The following FAM110B variants were observed in gnomAD, a reference collection of about 807,000 sequenced individuals.
FAM110B encodes the protein protein FAM110B.
A neutral mutation model predicts 20.4 loss-of-function variants in FAM110B; 6 were observed. That is an observed-to-expected ratio of 0.29 (90% CI 0.16 to 0.58). The LOEUF (loss-of-function observed/expected upper bound fraction) is 0.58, where lower values mean the gene tolerates loss of function less well. Among genes scored for constraint, FAM110B ranks in the 20% least tolerant of loss-of-function variants. FAM110B has a pLI of 0.90. For missense variants in FAM110B, 434 were observed against 498.2 expected, an observed-to-expected ratio of 0.87 and a Z score of 1.23; for synonymous variants, 226 against 214.1, an observed-to-expected ratio of 1.06 and a Z score of -0.49.
chr8:58,016,208 T>C (rs1804633563), intron 1 of FAM110B, among the ~76,000 whole-genome samples: 1 of 152,172 alleles, frequency 6.6e-6, no homozygotes, highest in South Asian at 2.1e-4. Flanking sequence ...TAGAAAATGA[T>C]TTTACTGGGC....
chr8:58,039,752 CACACACACAT>C (rs1418572375), intron 2 of FAM110B, among the ~76,000 whole-genome samples: 1 of 152,000 alleles, frequency 6.6e-6, no homozygotes, highest in Non-Finnish European at 1.5e-5. Context: ...TTTAAACATA[CACACACACAT>C]ACACACACAT....
At chr8:58,003,574 G>A (rs1804343529) in intron 1 of FAM110B, among the ~76,000 whole-genome samples, 1 of 152,226 alleles carries the variant, frequency 6.6e-6, no homozygotes, top group Admixed American at 6.5e-5. Flanking sequence ...TCCATGTGCT[G>A]CAGAATGAAT....
chr8:58,083,697 C>T lies in FAM110B; in HGVS notation c.-325+8074C>T, dbSNP rs192758090. ...TCCCACCATCCACGCCTCCCCTGGG[C>T]TTCGTGTTCTGTATGTTAATTCTCT... On this transcript the variant is annotated intron_variant, in intron 3 of 3. Transcript: ENST00000519262. Among the ~76,000 whole-genome samples the T allele has an allele frequency of 5.3e-5, 8 of 152,304 alleles. No homozygotes were observed. In the East Asian group the frequency reaches 1.5e-3, roughly 29 times the overall value.
chr8:58,038,284 C>T (rs1163598741), intron 2 of FAM110B, among the ~76,000 whole-genome samples: 6 of 152,138 alleles, frequency 3.9e-5, no homozygotes, highest in Non-Finnish European at 1.5e-5. Context: ...AATGACTGTT[C>T]TGTTTACTCA....
chr8:58,123,478 G>A (rs1042181415), intron 3 of FAM110B, among the ~76,000 whole-genome samples: 6 of 152,032 alleles, frequency 3.9e-5, no homozygotes, highest in African/African-American at 1.4e-4. Flanking sequence ...AGGGAGTTGG[G>A]AATAAAAAGA....
intron 3 of FAM110B, among the ~76,000 whole-genome samples, chr8:58,130,462 C>A (rs922975551): frequency 6.6e-6 from 1 of 152,160 alleles, no homozygotes; most frequent in Non-Finnish European, 1.5e-5. Context: ...CTAGAACCTG[C>A]GGTCACACCA....
At chr8:58,036,142 C>A (rs1805070501) in intron 2 of FAM110B, among the ~76,000 whole-genome samples, 1 of 152,180 alleles carries the variant, frequency 6.6e-6, no homozygotes. Context: ...AATCATGGTG[C>A]CACGTCTCTC....
intron 3 of FAM110B, among the ~76,000 whole-genome samples, chr8:58,116,192 C>A (rs1055074387): frequency 2.6e-5 from 4 of 152,202 alleles, no homozygotes; most frequent in African/African-American, 9.7e-5. Flanking sequence ...ATGGTTCAAA[C>A]CCCTCGGATC....
chr8:57,996,620 CT>C (rs1804189078), intron 1 of FAM110B, among the ~76,000 whole-genome samples: 1 of 152,194 alleles, frequency 6.6e-6, no homozygotes, highest in African/African-American at 2.4e-5. Context: ...ACCTGGTTGT[CT>C]TTAAGAGCCT....
chr8:58,096,073 T>C (rs946471070), intron 3 of FAM110B, among the ~76,000 whole-genome samples: 1 of 152,212 alleles, frequency 6.6e-6, no homozygotes, highest in Non-Finnish European at 1.5e-5. Flanking sequence ...CCTGCTTTTA[T>C]TTGCTTTCCA....
chr8:58,040,241 C>T (rs556405782), intron 2 of FAM110B, among the ~76,000 whole-genome samples: 5 of 152,150 alleles, frequency 3.3e-5, no homozygotes, highest in East Asian at 1.9e-4. Flanking sequence ...ACAAATAATT[C>T]TGTCCCCAAA....
chr8:57,995,591 A>C (rs1804168748), intron 1 of FAM110B, among the ~76,000 whole-genome samples: 1 of 152,094 alleles, frequency 6.6e-6, no homozygotes, highest in South Asian at 2.1e-4. Flanking sequence ...TTAGAGCTGG[A>C]GCTGTACAGT....
intron 2 of FAM110B, among the ~76,000 whole-genome samples, chr8:58,075,085 T>A: frequency 6.6e-6 from 1 of 152,204 alleles, no homozygotes; most frequent in Middle Eastern, 3.4e-3. Flanking sequence ...CTGTCTTTTT[T>A]TTTTAATATA....
chr8:58,135,665 C>A (rs571032977), intron 3 of FAM110B, among the ~76,000 whole-genome samples: 3 of 152,162 alleles, frequency 2.0e-5, no homozygotes, highest in Non-Finnish European at 4.4e-5. Flanking sequence ...AAGGAGAAAG[C>A]AGTAACATGC....
chr8:58,123,905 G>C (rs1217460571), intron 3 of FAM110B, among the ~76,000 whole-genome samples: 1 of 152,188 alleles, frequency 6.6e-6, no homozygotes, highest in Non-Finnish European at 1.5e-5. Context: ...GTTTGTGACA[G>C]GGATTTGATT....
At chr8:58,114,137 A>T (rs1311946507) in intron 3 of FAM110B, among the ~76,000 whole-genome samples, 1 of 152,094 alleles carries the variant, frequency 6.6e-6, no homozygotes, top group African/African-American at 2.4e-5. Context: ...GTGCAGGGAG[A>T]TACTATTTTT....
At chr8:58,102,104 C>T (rs569538202) in intron 3 of FAM110B, among the ~76,000 whole-genome samples, 3 of 152,270 alleles carry the variant, frequency 2.0e-5, no homozygotes, top group South Asian at 2.1e-4. Context: ...ATAACTTATT[C>T]GCCAACACTT....
intron 3 of FAM110B, among the ~76,000 whole-genome samples, chr8:58,096,380 G>A (rs569577717): frequency 1.3e-5 from 2 of 152,186 alleles, no homozygotes; most frequent in African/African-American, 4.8e-5. Flanking sequence ...TTCACCATGT[G>A]TTGGCCAGGC....
At chr8:58,131,271 T>C (rs893195967) in intron 3 of FAM110B, among the ~76,000 whole-genome samples, 1 of 152,086 alleles carries the variant, frequency 6.6e-6, no homozygotes, top group Non-Finnish European at 1.5e-5. Flanking sequence ...CCCAACATGC[T>C]GCCTTTTTTT....
Sources: gnomAD v4.1 joint callset for allele counts (sites outside exome capture counted in the v4.1 genomes callset) on GRCh38, gnomAD v4.1.1 for gene constraint, MANE v1.5 for transcripts, NCBI Gene and HGNC (gene_info 2026-07-23, HGNC 2026-07-21) for gene names.